Variants in DYNC1I2 observed in about 807,000 individuals in gnomAD.
The protein encoded by DYNC1I2 is dynein cytoplasmic 1 intermediate chain 2.
A neutral mutation model predicts 88.6 loss-of-function variants in DYNC1I2; 53 were observed. The observed-to-expected ratio is 0.60, with a 90% CI of 0.48 to 0.75. DYNC1I2 has a LOEUF of 0.75. Among genes scored for constraint, DYNC1I2 ranks in the 30% least tolerant of loss-of-function variants. DYNC1I2 has a pLI of 0.00. For synonymous variants in DYNC1I2, 198 were observed against 254.6 expected (o/e 0.78, Z 2.12); for missense variants, 458 against 766.6 (o/e 0.60, Z 4.75).
At chr2:171,695,220 C>T (rs1053944935) in intron 3 of DYNC1I2, among the ~76,000 whole-genome samples, 33 of 152,210 alleles carry the variant, frequency 2.2e-4, no homozygotes, top group African/African-American at 7.0e-4. Flanking sequence ...CTGCCTCAGC[C>T]TCCCAAGTAG....
intron 15 of DYNC1I2, among the ~76,000 whole-genome samples, chr2:171,736,965 C>T (rs1689052144): frequency 6.6e-6 from 1 of 152,272 alleles, no homozygotes; most frequent in Middle Eastern, 3.4e-3. Context: ...ATATTCTTTT[C>T]CCAAAGCTGC....
chr2:171,737,881 T>G (rs1483399810), intron 15 of DYNC1I2, among the ~76,000 whole-genome samples: 1 of 152,164 alleles, frequency 6.6e-6, no homozygotes, highest in Non-Finnish European at 1.5e-5. Flanking sequence ...TCACGGGGGT[T>G]TGTTGTACAG....
chr2:171,747,277 C>T lies in DYNC1I2; in HGVS notation c.1804-499C>T, dbSNP rs562268518. On this transcript the variant is annotated intron_variant, in intron 17 of 17. Coordinates refer to ENST00000397119, the MANE Select transcript of DYNC1I2 (RefSeq NM_001378.3). Reference sequence around the variant, plus strand: ...AGTAAAGCATCACAAGGCTCTTTTGCCACCAGTGCAGCACTAAAGTGGTAA... The same window carrying T: ...AGTAAAGCATCACAAGGCTCTTTTGTCACCAGTGCAGCACTAAAGTGGTAA... Among the ~76,000 whole-genome samples, 211 of 147,756 alleles carry T rather than the reference C, an allele frequency of 1.4e-3. 1 individual carries two copies. The highest frequency in any genetic ancestry group is 2.7e-3 in the Non-Finnish European group (184 of 67,200).
At position 171,690,133 on chromosome 2, in the gene DYNC1I2, T is replaced by A; in HGVS notation, c.-9-14T>A. The A allele has an allele frequency of 6.2e-6, 9 of 1,462,692 alleles. No individual in the cohort carries two copies. The highest frequency in any genetic ancestry group is 8.3e-6 in the Non-Finnish European group (9 of 1,078,954). 90.6% of individuals were successfully genotyped at this position (1,462,692 alleles called of 1,614,324 possible). ...GTGCTGCTTTTACTAACATAATGAT[T>A]ATATGTTTCTAAGGTCACAAACATG... On this transcript the variant is annotated splice_polypyrimidine_tract_variant and intron_variant, in intron 1 of 17. Transcript: ENST00000397119.
intron 15 of DYNC1I2, among the ~76,000 whole-genome samples, chr2:171,733,471 T>G (rs866756804): frequency 0.015 from 2,116 of 141,346 alleles, 20 homozygotes; most frequent in Non-Finnish European, 0.023. Flanking sequence ...TTTTTTTTTT[T>G]TTTTTTTTTT....
At chr2:171,728,197 C>A (rs1688372392) in intron 12 of DYNC1I2, 108 bp from the exon 13 acceptor site, 2 of 740,656 alleles carry the variant, frequency 2.7e-6, no homozygotes, top group Admixed American at 3.5e-5. Flanking sequence ...TTAAGAATAC[C>A]CACAAGTTAT....
intron 15 of DYNC1I2, among the ~76,000 whole-genome samples, chr2:171,733,632 T>G (rs771917129): frequency 1.1e-4 from 17 of 151,870 alleles, no homozygotes; most frequent in Non-Finnish European, 2.4e-4. Context: ...AATGGGGTTG[T>G]TTTCTTGTAA....
At chr2:171,714,101 A>AACTCC (rs1179243522) in intron 6 of DYNC1I2, among the ~76,000 whole-genome samples, 1 of 152,148 alleles carries the variant, frequency 6.6e-6, no homozygotes, top group East Asian at 1.9e-4. Context: ...TAAAAATCAG[A>AACTCC]ATATAAAGTT....
intron 6 of DYNC1I2, 35 bp from the exon 7 acceptor site, chr2:171,715,293 G>A (rs1293928355): frequency 7.5e-7 from 1 of 1,335,246 alleles, no homozygotes; most frequent in East Asian, 2.5e-5. Context: ...GTTTGATGTA[G>A]TTAAAATTGT....
Position 171,712,817 on chromosome 2 carries a change from C to G in DYNC1I2, c.386C>G (p.Ser129Cys). 1 of 1,613,046 alleles carries G rather than the reference C, an allele frequency of 6.2e-7. No individual in the cohort carries two copies. The highest frequency in any genetic ancestry group is 1.1e-5 in the South Asian group (1 of 91,046). ...DPSVLQLHSDSDLGRGPIKLG... is the reference protein window; with the variant it reads ...DPSVLQLHSDCDLGRGPIKLG... ...TCAGTTCTTCAGCTTCACTCAGATT[C>G]CGATTTGGGGTATTGAATAGATTTT... The change falls in exon 6 of 18, where the codon TCC (serine) becomes TGC (cysteine). Residue 129 changes from serine (S) to cysteine (C), a missense_variant. By Grantham distance (112) the Ser-to-Cys change is moderately radical. Coordinates refer to ENST00000397119, the MANE Select transcript of DYNC1I2 (RefSeq NM_001378.3).
chr2:171,689,673 T>C (rs1685235756), intron 1 of DYNC1I2, among the ~76,000 whole-genome samples: 1 of 151,950 alleles, frequency 6.6e-6, no homozygotes, highest in African/African-American at 2.4e-5. Flanking sequence ...TGTTTATACA[T>C]TTTTTAAGTC....
intron 17 of DYNC1I2, among the ~76,000 whole-genome samples, chr2:171,746,579 G>T (rs1689795502): frequency 6.6e-6 from 1 of 152,124 alleles, no homozygotes; most frequent in South Asian, 2.1e-4. Context: ...CTAGCAATTG[G>T]ATCTGGTGGG....
chr2:171,721,370 A>G (rs1315785910), intron 7 of DYNC1I2, among the ~76,000 whole-genome samples: 1 of 152,166 alleles, frequency 6.6e-6, no homozygotes, highest in Non-Finnish European at 1.5e-5. Context: ...TTCCATTGAT[A>G]GATTCATGAA....
At chr2:171,699,261 C>A (rs1193690406) in intron 3 of DYNC1I2, among the ~76,000 whole-genome samples, 1 of 151,556 alleles carries the variant, frequency 6.6e-6, no homozygotes, top group African/African-American at 2.4e-5. Flanking sequence ...GAGCCGAGAT[C>A]GCGCCATTGC....
At chr2:171,706,861 C>T (rs748830785) in intron 4 of DYNC1I2, 1 of 400,994 alleles carries the variant, frequency 2.5e-6, no homozygotes. Flanking sequence ...GATTAAATAA[C>T]TTAATGAAAC....
At chr2:171,742,808 T>C (rs527283389) in intron 15 of DYNC1I2, among the ~76,000 whole-genome samples, 13 of 152,322 alleles carry the variant, frequency 8.5e-5, no homozygotes, top group Admixed American at 2.6e-4. Context: ...TTTGTCTCTT[T>C]TGTCTGGCAT....
intron 15 of DYNC1I2, among the ~76,000 whole-genome samples, chr2:171,735,747 A>G (rs1302360513): frequency 6.6e-6 from 1 of 152,240 alleles, no homozygotes; most frequent in Non-Finnish European, 1.5e-5. Context: ...TCTGCAGGGT[A>G]ACAAGGATTC....
At chr2:171,717,959 CTT>C (rs575201805) in intron 7 of DYNC1I2, among the ~76,000 whole-genome samples, 36 of 136,676 alleles carry the variant, frequency 2.6e-4, no homozygotes, top group Admixed American at 4.4e-4. Flanking sequence ...TGAAGACTTT[CTT>C]TTTTTTTTTT....
At chr2:171,726,717 A>G (rs777365946) in intron 10 of DYNC1I2, 74 bp from the exon 11 acceptor site, 4 of 1,560,428 alleles carry the variant, frequency 2.6e-6, no homozygotes, top group Non-Finnish European at 3.5e-6. Flanking sequence ...AATCTGATAA[A>G]GACAAATAAC....
Sources: gnomAD v4.1 joint callset for allele counts (sites outside exome capture counted in the v4.1 genomes callset) on GRCh38, gnomAD v4.1.1 for gene constraint, MANE v1.5 for transcripts, NCBI Gene and HGNC (gene_info 2026-07-23, HGNC 2026-07-21) for gene names.